Variants in ENO4 observed in about 807,000 individuals in gnomAD.
ENO4 encodes the protein enolase 4.
A neutral mutation model predicts 63.2 loss-of-function variants in ENO4; 53 were observed. The observed-to-expected ratio is 0.84, with a 90% CI of 0.67 to 1.05. The LOEUF is 1.05. Ranked by LOEUF, ENO4 falls within the 50% of genes least tolerant of loss-of-function variation. The probability of loss-of-function intolerance (pLI) is 0.00; values close to 1 mark genes in which losing one functional copy is unlikely to be tolerated. For missense variants in ENO4, 719 were observed against 772.0 expected (o/e 0.93, Z 0.81); for synonymous variants, 266 against 283.8 (o/e 0.94, Z 0.63).
chr10:116,870,075 T>C (rs1846648387), intron 8 of ENO4, among the ~76,000 whole-genome samples: 2 of 152,222 alleles, frequency 1.3e-5, no homozygotes, highest in Non-Finnish European at 2.9e-5. Context: ...ATTGCTTTGT[T>C]TGCCAAATAA....
intron 10 of ENO4, among the ~76,000 whole-genome samples, chr10:116,875,386 C>T (rs943812095): frequency 6.6e-6 from 1 of 152,096 alleles, no homozygotes; most frequent in Non-Finnish European, 1.5e-5. Context: ...TGCTCTGTCA[C>T]CCAGGCTGGA....
downstream of ENO4, chr10:116,885,351 A>G (rs114974622): frequency 8.5e-5 from 13 of 152,754 alleles, no homozygotes; most frequent in South Asian, 4.1e-4. Flanking sequence ...GAAAAGCTGC[A>G]TAAGTTTTTT....
intron 9 of ENO4, among the ~76,000 whole-genome samples, chr10:116,872,878 A>C (rs1846734920): frequency 6.6e-6 from 1 of 152,204 alleles, no homozygotes. Flanking sequence ...CTTGACTTCT[A>C]AAAGTTCTTT....
chr10:116,907,141 G>A (rs553952972), intron 10 of ENO4, among the ~76,000 whole-genome samples: 1 of 152,146 alleles, frequency 6.6e-6, no homozygotes, highest in Admixed American at 6.5e-5. Flanking sequence ...GCAGCCACAA[G>A]CTACTAAACT....
intron 8 of ENO4, 24 bp from the exon 9 acceptor site, chr10:116,871,101 G>A: frequency 9.0e-6 from 14 of 1,549,036 alleles, no homozygotes; most frequent in South Asian, 3.6e-5. Context: ...TATTGACATG[G>A]ATCATTGTCT....
chr10:116,881,305 G>C, intron 13 of ENO4, among the ~76,000 whole-genome samples: 1 of 152,302 alleles, frequency 6.6e-6, no homozygotes. Context: ...AATGTTGAAT[G>C]AGAGTGCAAG....
At chr10:116,859,488 T>TA (rs1589751967) in intron 4 of ENO4, among the ~76,000 whole-genome samples, 1 of 152,180 alleles carries the variant, frequency 6.6e-6, no homozygotes, top group South Asian at 2.1e-4. Context: ...CTCCATATCT[T>TA]AGAGTTTTGA....
chr10:116,904,220 C>CA (rs1195858401), intron 10 of ENO4, among the ~76,000 whole-genome samples: 3 of 152,232 alleles, frequency 2.0e-5, no homozygotes, highest in African/African-American at 7.2e-5. Flanking sequence ...TCCAACTCCT[C>CA]ACCTCTGTCA....
chr10:116,885,765 G>A (rs541389131), downstream of ENO4: 70 of 152,670 alleles, frequency 4.6e-4, 2 homozygotes, highest in South Asian at 0.014. Flanking sequence ...AGTTAACAAT[G>A]TGTGTAATTA....
intron 10 of ENO4, chr10:116,907,896 G>T: frequency 1.9e-6 from 1 of 518,210 alleles, no homozygotes; most frequent in African/African-American, 1.9e-5. Context: ...CCTTAATCCT[G>T]CTCCCTCCCT....
At chr10:116,895,944 C>T (rs1233743888) in intron 10 of ENO4, among the ~76,000 whole-genome samples, 2 of 152,080 alleles carry the variant, frequency 1.3e-5, no homozygotes, top group Non-Finnish European at 2.9e-5. Flanking sequence ...AATACAGTAA[C>T]AACAACACAG....
At chr10:116,860,707 C>T (rs1329876748) in intron 4 of ENO4, 87 bp from the exon 5 acceptor site, 1 of 1,051,098 alleles carries the variant, frequency 9.5e-7, no homozygotes, top group East Asian at 2.9e-5. Flanking sequence ...CCAGCCTCGG[C>T]TTTCATCCTT....
intron 10 of ENO4, chr10:116,906,499 TTC>T: frequency 1.1e-6 from 1 of 904,824 alleles, no homozygotes; most frequent in Non-Finnish European, 1.6e-6. Flanking sequence ...CATCCCATAC[TTC>T]TCACTCACAT....
downstream of ENO4, chr10:116,884,156 G>A (rs951145660): frequency 2.0e-5 from 9 of 452,090 alleles, no homozygotes; most frequent in African/African-American, 1.6e-4. Flanking sequence ...GTGTAAGCAG[G>A]ACGTATGTAA....
exon 11 of ENO4, chr10:116,911,558 T>G: frequency 6.4e-7 from 1 of 1,550,694 alleles, no homozygotes; most frequent in Non-Finnish European, 8.7e-7. Context: ...AACAATGACT[T>G]TGGTGAAAGT....
intron 1 of ENO4, among the ~76,000 whole-genome samples, chr10:116,851,297 C>T (rs1846075769): frequency 1.3e-5 from 2 of 152,140 alleles, no homozygotes; most frequent in Admixed American, 6.5e-5. Flanking sequence ...TCCCTATATG[C>T]CTATTAAAGG....
chr10:116,862,427 C>T (rs1030591540), intron 6 of ENO4, among the ~76,000 whole-genome samples: 5 of 151,720 alleles, frequency 3.3e-5, no homozygotes, highest in South Asian at 4.2e-4. Flanking sequence ...TGCCACTGCA[C>T]GCCAGCCTGG....
At chr10:116,895,302 C>T (rs1199874046) in intron 10 of ENO4, among the ~76,000 whole-genome samples, 1 of 152,150 alleles carries the variant, frequency 6.6e-6, no homozygotes, top group African/African-American at 2.4e-5. Flanking sequence ...GCAAATAGAA[C>T]TTATGCTGAC....
chr10:116,912,342 A>G (rs946537808), downstream of ENO4, among the ~76,000 whole-genome samples: 2 of 152,196 alleles, frequency 1.3e-5, no homozygotes, highest in African/African-American at 4.8e-5. Context: ...CCTGGCATGT[A>G]AGAATTTCAC....
Sources: gnomAD v4.1 joint callset for allele counts (sites outside exome capture counted in the v4.1 genomes callset) on GRCh38, gnomAD v4.1.1 for gene constraint, MANE v1.5 for transcripts, NCBI Gene and HGNC (gene_info 2026-07-23, HGNC 2026-07-21) for gene names.